MMRN1: variants seen among roughly 807,000 people sequenced by gnomAD.
The protein encoded by MMRN1 is multimerin 1.
A neutral mutation model predicts 100.7 loss-of-function variants in MMRN1; 94 were observed. The observed-to-expected ratio is 0.93, with a 90% CI of 0.79 to 1.11. The LOEUF (loss-of-function observed/expected upper bound fraction) is 1.11. MMRN1 is among the 50% of genes least tolerant of loss of function. The pLI is 0.00. For missense variants in MMRN1, 1,606 were observed against 1,439.1 expected (o/e 1.12, Z -1.88); for synonymous variants, 575 against 505.0 (o/e 1.14, Z -1.86).
intron 6 of MMRN1, among the ~76,000 whole-genome samples, chr4:89,937,562 A>G (rs1722686228): frequency 6.6e-6 from 1 of 152,118 alleles, no homozygotes; most frequent in Non-Finnish European, 1.5e-5. Context: ...TCCTAGATGT[A>G]TTAGTAAGTT....
At chr4:89,920,122 A>G (rs896692322) in intron 3 of MMRN1, among the ~76,000 whole-genome samples, 3 of 152,190 alleles carry the variant, frequency 2.0e-5, no homozygotes, top group Non-Finnish European at 4.4e-5. Context: ...ACTTGTAATT[A>G]GTTAATATTA....
chr4:89,925,458 T>A (rs1219154002), intron 4 of MMRN1, among the ~76,000 whole-genome samples: 1 of 148,038 alleles, frequency 6.8e-6, no homozygotes, highest in Non-Finnish European at 1.5e-5. Flanking sequence ...CTCTAACAAT[T>A]TTTTTATACC....
At position 89,895,464 on chromosome 4, in the gene MMRN1, A is replaced by C. The variant is rs865879952; in HGVS notation, c.493A>C (p.Ile165Leu). The C allele has an allele frequency of 1.6e-5, 26 of 1,613,626 alleles. No individual in the cohort carries two copies. In the African/African-American group the frequency reaches 2.5e-4, roughly 16 times the overall value. The change falls in exon 1 of 8, where the codon ATT becomes CTT. Residue 165 changes from isoleucine (I) to leucine (L), a missense_variant. By Grantham distance (5) the Ile-to-Leu change is conservative. Coordinates refer to ENST00000264790, the MANE Select transcript of MMRN1 (RefSeq NM_007351.3). ...AAACACAGTTGGAGGCACTGGAGGC[A>C]TTGGAGGCGTTGGAGGCACTGGAGG... ...SLNTVGGTGG[I>L]GGVGGTGGVG...
Position 89,936,331 on chromosome 4 carries a change from G to A in MMRN1, c.2651G>A (p.Ser884Asn). The change falls in exon 6 of 8, where the codon AGT (serine) becomes AAT (asparagine). Residue 884 changes from serine to asparagine, a missense_variant. Coordinates refer to ENST00000264790, the MANE Select transcript of MMRN1 (RefSeq NM_007351.3). ...IPYYISVKKG[S>N]VVTNERDQAL... The stretch of plus-strand genomic sequence containing the variant: ...TATTATATTTCAGTTAAAAAAGGCA[G>A]TGTAGTTACAAATGAGAGAGATCAG... The A allele has an allele frequency of 6.2e-7, 1 of 1,612,792 alleles. No individual in the cohort carries two copies. Among genetic ancestry groups the A allele is most frequent in the Non-Finnish European group, 8.5e-7 (1 of 1,179,492 alleles).
At chr4:89,918,340 G>A (rs1463267572) in intron 3 of MMRN1, among the ~76,000 whole-genome samples, 1 of 151,526 alleles carries the variant, frequency 6.6e-6, no homozygotes, top group Non-Finnish European at 1.5e-5. Context: ...TGTCATCTCT[G>A]AAAATCAGTT....
chr4:89,916,671 A>G (rs1721930845), intron 3 of MMRN1, among the ~76,000 whole-genome samples: 2 of 151,162 alleles, frequency 1.3e-5, no homozygotes, highest in Admixed American at 1.3e-4. Flanking sequence ...TATCTTTTTC[A>G]ATTGCTTGTT....
intron 1 of MMRN1, among the ~76,000 whole-genome samples, chr4:89,904,095 C>T (rs536450166): frequency 6.0e-5 from 9 of 150,820 alleles, no homozygotes; most frequent in East Asian, 2.0e-4. Context: ...TGCCTCATTC[C>T]CCTCCTCCTC....
chr4:89,908,223 C>G (rs1721631991), intron 1 of MMRN1, among the ~76,000 whole-genome samples: 1 of 151,360 alleles, frequency 6.6e-6, no homozygotes, highest in East Asian at 1.9e-4. Context: ...TATTTTCCCT[C>G]AAGAATCATA....
intron 6 of MMRN1, among the ~76,000 whole-genome samples, chr4:89,950,940 A>T (rs549384695): frequency 1.6e-4 from 24 of 151,866 alleles, no homozygotes; most frequent in Non-Finnish European, 2.6e-4. Context: ...TTAGATTGCC[A>T]TGTCTTCTAA....
intron 6 of MMRN1, among the ~76,000 whole-genome samples, chr4:89,941,342 G>C (rs1266790756): frequency 6.6e-6 from 1 of 152,134 alleles, no homozygotes; most frequent in Non-Finnish European, 1.5e-5. Context: ...ATCAGCTAAG[G>C]AAAAAGATAC....
chr4:89,912,060 A>C lies in MMRN1; in HGVS notation c.850+10A>C. The C allele has an allele frequency of 6.6e-7, 1 of 1,506,784 alleles. No individual in the cohort carries two copies. The highest frequency in any genetic ancestry group is 1.7e-4 in the Middle Eastern group (1 of 5,812). 93.3% of individuals were successfully genotyped at this position (1,506,784 alleles called of 1,614,324 possible). A position where few individuals can be genotyped will look rare whatever the true frequency, so the allele number is the denominator to read the frequency against. On this transcript the variant is annotated intron_variant, in intron 3 of 7. Coordinates refer to ENST00000264790, the MANE Select transcript of MMRN1 (RefSeq NM_007351.3). ...AAATGTCAACTAAGAGGTACACTCT[A>C]ATATTAATAATCACAATTCTGAACA... is the stretch of plus-strand genomic sequence containing the variant.
Position 89,923,260 on chromosome 4 carries a change from T to C in MMRN1, c.943T>C (p.Cys315Arg). The part of the protein sequence containing the change: ...GVAEQQQQQG[C>R]GDPEVMQKMT... ...AGCTGAGCAGCAGCAGCAGCAAGGC[T>C]GTGGTGACCCAGGTCATAGATTGTA... The change falls in exon 4 of 8, where the codon TGT (cysteine) becomes CGT (arginine). Residue 315 changes from cysteine (C) to arginine (R), a missense_variant. Physicochemically the swap from Cys to Arg is radical, Grantham distance 180. Coordinates refer to ENST00000264790, the MANE Select transcript of MMRN1 (RefSeq NM_007351.3). The C allele has an allele frequency of 1.9e-6, 3 of 1,613,768 alleles. No homozygotes were observed. The highest frequency in any genetic ancestry group is 2.5e-6 in the Non-Finnish European group (3 of 1,179,682).
intron 5 of MMRN1, among the ~76,000 whole-genome samples, chr4:89,929,618 C>A (rs1249210021): frequency 6.6e-6 from 1 of 152,028 alleles, no homozygotes; most frequent in Admixed American, 6.6e-5. Flanking sequence ...TTGTGACCTA[C>A]CAGCCTACTA....
intron 1 of MMRN1, among the ~76,000 whole-genome samples, chr4:89,888,727 G>A (rs1311322447): frequency 6.6e-6 from 1 of 151,966 alleles, no homozygotes; most frequent in Non-Finnish European, 1.5e-5. Flanking sequence ...ATGCTATCAA[G>A]CTTATCAAAT....
Position 89,898,788 on chromosome 4 carries a change from T to G in MMRN1, c.623+3194T>G, listed in dbSNP as rs530181620. 3.9e-5 allele frequency among the ~76,000 whole-genome samples: 6 copies of G among 152,188 alleles called. No homozygotes were observed. In the East Asian group the frequency reaches 7.7e-4, roughly 20 times the overall value. On this transcript the variant is annotated intron_variant, in intron 1 of 7. Coordinates refer to ENST00000264790, the MANE Select transcript of MMRN1 (RefSeq NM_007351.3). ...AATAACTCCAGGAAGCCTTCTCAGGTGAAGTTAGGTGGCCTTTCTAATCGC... is the reference window on the plus strand; with the variant it reads ...AATAACTCCAGGAAGCCTTCTCAGGGGAAGTTAGGTGGCCTTTCTAATCGC...
chr4:89,942,421 T>C (rs1722862175), intron 6 of MMRN1, among the ~76,000 whole-genome samples: 1 of 152,170 alleles, frequency 6.6e-6, no homozygotes, highest in Admixed American at 6.6e-5. Context: ...AATTACAGAT[T>C]GTAAATTTGC....
chr4:89,941,514 C>T (rs1157894651), intron 6 of MMRN1, among the ~76,000 whole-genome samples: 1 of 152,150 alleles, frequency 6.6e-6, no homozygotes, highest in African/African-American at 2.4e-5. Context: ...ATACTCAGCA[C>T]TTAGTTTTAC....
chr4:89,905,422 CT>C (rs966816720), intron 1 of MMRN1, among the ~76,000 whole-genome samples: 16 of 151,490 alleles, frequency 1.1e-4, no homozygotes, highest in Admixed American at 9.9e-4. Flanking sequence ...AGTTCTTCCC[CT>C]GAAGCATTTA....
chr4:89,945,976 G>A (rs1474742461), intron 6 of MMRN1, among the ~76,000 whole-genome samples: 3 of 152,154 alleles, frequency 2.0e-5, no homozygotes, highest in Non-Finnish European at 4.4e-5. Flanking sequence ...CACAATGTTA[G>A]TAATTAGAGC....
Sources: gnomAD v4.1 joint callset for allele counts (sites outside exome capture counted in the v4.1 genomes callset) on GRCh38, gnomAD v4.1.1 for gene constraint, MANE v1.5 for transcripts, NCBI Gene and HGNC (gene_info 2026-07-23, HGNC 2026-07-21) for gene names.